The following SKAP1 variants were observed in gnomAD, a reference collection of about 807,000 sequenced individuals.
SKAP1 encodes the protein src kinase-associated phosphoprotein 1.
Under a neutral mutation model 58.5 loss-of-function variants are expected in SKAP1, and 44 were observed. That is an observed-to-expected ratio of 0.75 (90% CI 0.59 to 0.97). The LOEUF is 0.97. SKAP1 is among the 50% of genes least tolerant of loss of function. The probability of loss-of-function intolerance (pLI) is 0.00; values close to 1 mark genes in which losing one functional copy is unlikely to be tolerated. For synonymous variants in SKAP1, 127 were observed against 149.7 expected, an observed-to-expected ratio of 0.85 and a Z score of 1.11; for missense variants, 390 against 435.2, an observed-to-expected ratio of 0.90 and a Z score of 0.92.
In SKAP1 at chr17:48,170,557, CA is replaced by C. The variant is rs2064194603; in HGVS notation, c.877+51del. On this transcript the variant is annotated intron_variant, in intron 10 of 12. Transcript: ENST00000336915. ...CTCAGAGAAAGGTGCTTTCTCTAAT[CA>C]GAAGCCCATAATGTCCTACCCAGTG... 4 of 1,475,942 alleles carry C rather than the reference CA, an allele frequency of 2.7e-6. No homozygotes were observed. In the African/African-American group the frequency reaches 4.2e-5, roughly 15 times the overall value. The allele number at this position is 1,475,942 out of a possible 1,614,324, so 91.4% of individuals were successfully genotyped here.
rs767733529 is a variant in SKAP1, at chr17:48,180,122, G to C, written c.758C>G (p.Pro253Arg). 2.5e-6 allele frequency: 4 copies of C among 1,613,686 alleles called. No individual in the cohort carries two copies. The highest frequency in any genetic ancestry group is 3.4e-6 in the Non-Finnish European group (4 of 1,179,842). Residue 253 changes from proline to arginine, a missense_variant, in exon 9 of 13, where the codon CCT becomes CGT. Pro to Arg is a moderately radical substitution (Grantham distance 103, BLOSUM62 -2). Coordinates refer to ENST00000336915, the MANE Select transcript of SKAP1 (RefSeq NM_003726.4). ...CGSQCRPTIL[P>R]GSVGIKEPTE... ...AGGCTCTTTTATCCCCACACTCCCA[G>C]GCAAGATAGTGGGTCTGCACTGGGA...
Position 48,182,398 on chromosome 17 carries a change from T to C in SKAP1, c.627A>G (p.Leu209=). 1 of 1,605,074 alleles carries C rather than the reference T, an allele frequency of 6.2e-7. No homozygotes were observed. Among genetic ancestry groups the C allele is most frequent in the South Asian group, 1.1e-5 (1 of 90,120 alleles). ...RDWVDQISFL[L]KDLSSLTIPY... Reference sequence around the variant, plus strand: ...TTCTGTAACAATGACACTTACCCTTTAACAAGAAACTTATTTGATCCACCC... The same window carrying C: ...TTCTGTAACAATGACACTTACCCTTCAACAAGAAACTTATTTGATCCACCC... Residue 209 remains leucine (L), a synonymous_variant, in exon 8 of 13, where the codon TTA becomes TTG. Transcript: ENST00000336915.
At chr17:48,140,335 C>T (rs1355800678) in intron 11 of SKAP1, among the ~76,000 whole-genome samples, 2 of 152,196 alleles carry the variant, frequency 1.3e-5, no homozygotes, top group African/African-American at 2.4e-5. Context: ...TTATACTCTC[C>T]TGGTTTCTCT....
intron 4 of SKAP1, among the ~76,000 whole-genome samples, chr17:48,211,949 C>A (rs967509536): frequency 1.3e-5 from 2 of 151,328 alleles, no homozygotes; most frequent in African/African-American, 2.4e-5. Context: ...AAAGTTGACA[C>A]ATTACTTACA....
Position 48,245,287 on chromosome 17 carries a change from AT to A in SKAP1, c.281-55788del, listed in dbSNP as rs200598480. Among the ~76,000 whole-genome samples, 49 of 151,600 alleles carry A rather than the reference AT, an allele frequency of 3.2e-4. 1 individual carries two copies. The highest frequency in any genetic ancestry group is 3.4e-3 in the Middle Eastern group (1 of 294). On this transcript the variant is annotated intron_variant, in intron 4 of 12. Transcript: ENST00000336915. ...TTTCTAAAACACAACCCACAATCTGATTTTTTTTTCTTTTTTCTTTTTGTAA... is the reference window on the plus strand; with the variant it reads ...TTTCTAAAACACAACCCACAATCTGATTTTTTTTCTTTTTTCTTTTTGTAA...
chr17:48,152,415 G>T (rs2063912310), intron 11 of SKAP1, among the ~76,000 whole-genome samples: 2 of 152,146 alleles, frequency 1.3e-5, no homozygotes, highest in African/African-American at 4.8e-5. Flanking sequence ...AAGCTTTTGT[G>T]ACTCCTTTTA....
chr17:48,390,309 T>C (rs1276712025), intron 2 of SKAP1, among the ~76,000 whole-genome samples: 4 of 152,184 alleles, frequency 2.6e-5, no homozygotes, highest in Admixed American at 6.5e-5. Flanking sequence ...GAAAATAGCA[T>C]AGCTCTGGGA....
Position 48,184,775 on chromosome 17 carries a change from G to T in SKAP1, c.515C>A (p.Ser172Tyr). ...VRMAPHLRRDSKKESCFELTS... is the reference protein window; with the variant it reads ...VRMAPHLRRDYKKESCFELTS... ...CAGTTCAAAGCAGGATTCTTTCTTG[G>T]AATCTCTTCGCAGGTGGGGGGCCAT... The change falls in exon 7 of 13, where the codon TCC (serine) becomes TAC (tyrosine). Residue 172 changes from serine to tyrosine, a missense_variant. Ser to Tyr is a moderately radical substitution (Grantham distance 144). Coordinates refer to ENST00000336915, the MANE Select transcript of SKAP1 (RefSeq NM_003726.4). The T allele has an allele frequency of 6.2e-7, 1 of 1,614,056 alleles. No homozygotes were observed. The highest frequency in any genetic ancestry group is 8.5e-7 in the Non-Finnish European group (1 of 1,179,962).
chr17:48,292,365 A>T (rs1191325015), intron 4 of SKAP1, among the ~76,000 whole-genome samples: 3 of 152,086 alleles, frequency 2.0e-5, no homozygotes, highest in Non-Finnish European at 4.4e-5. Context: ...ACAAAAACAC[A>T]TCGCTTTTTT....
intron 4 of SKAP1, among the ~76,000 whole-genome samples, chr17:48,345,629 T>C (rs967651703): frequency 6.6e-6 from 1 of 152,248 alleles, no homozygotes; most frequent in Non-Finnish European, 1.5e-5. Context: ...CTCTTAGCTA[T>C]TGAGCTACGG....
upstream of SKAP1, among the ~76,000 whole-genome samples, chr17:48,433,257 G>C (rs374510089): frequency 6.6e-6 from 1 of 152,206 alleles, no homozygotes; most frequent in East Asian, 1.9e-4. Flanking sequence ...CCACATGGAG[G>C]AGTCTTAGAG....
chr17:48,398,325 T>C (rs2067447670), intron 1 of SKAP1, among the ~76,000 whole-genome samples: 1 of 151,908 alleles, frequency 6.6e-6, no homozygotes, highest in African/African-American at 2.4e-5. Context: ...GTGTGCTCCT[T>C]ATGAGAATTA....
At chr17:48,343,244 T>C (rs1202371391) in intron 4 of SKAP1, among the ~76,000 whole-genome samples, 1 of 152,188 alleles carries the variant, frequency 6.6e-6, no homozygotes, top group Non-Finnish European at 1.5e-5. Context: ...ATAAGTAGCA[T>C]ATCAAGTGTT....
intron 11 of SKAP1, among the ~76,000 whole-genome samples, chr17:48,142,271 G>A (rs1296597812): frequency 2.0e-5 from 3 of 152,262 alleles, no homozygotes; most frequent in Admixed American, 2.0e-4. Flanking sequence ...ACACCAGCCT[G>A]ACCAACATGG....
chr17:48,301,922 T>A (rs2066063021), intron 4 of SKAP1, among the ~76,000 whole-genome samples: 1 of 152,178 alleles, frequency 6.6e-6, no homozygotes, highest in African/African-American at 2.4e-5. Flanking sequence ...ATAGGAAATA[T>A]CTCATCCTCA....
intron 4 of SKAP1, among the ~76,000 whole-genome samples, chr17:48,294,994 A>T (rs538689598): frequency 1.3e-5 from 2 of 152,344 alleles, no homozygotes; most frequent in African/African-American, 4.8e-5. Flanking sequence ...CATCTATGCC[A>T]AAGTAAAATA....
intron 3 of SKAP1, among the ~76,000 whole-genome samples, chr17:48,357,851 T>C (rs117093786): frequency 2.0e-5 from 3 of 152,238 alleles, no homozygotes; most frequent in Admixed American, 6.5e-5. Context: ...GATTAATTTG[T>C]ATAAAATGTA....
At chr17:48,181,080 A>G (rs947418317) in intron 8 of SKAP1, among the ~76,000 whole-genome samples, 1 of 152,144 alleles carries the variant, frequency 6.6e-6, no homozygotes, top group Non-Finnish European at 1.5e-5. Context: ...TACTCTGGGG[A>G]AGGAAAGGAT....
upstream of SKAP1, among the ~76,000 whole-genome samples, chr17:48,431,425 T>C (rs2067914845): frequency 6.6e-6 from 1 of 152,232 alleles, no homozygotes; most frequent in Non-Finnish European, 1.5e-5. Flanking sequence ...GGCAGAGGAC[T>C]TTCCAGGTGG....
Sources: gnomAD v4.1 joint callset for allele counts (sites outside exome capture counted in the v4.1 genomes callset) on GRCh38, gnomAD v4.1.1 for gene constraint, MANE v1.5 for transcripts, NCBI Gene and HGNC (gene_info 2026-07-23, HGNC 2026-07-21) for gene names.